The following CEP126 variants were observed in gnomAD, a reference collection of about 807,000 sequenced individuals.
CEP126 encodes centrosomal protein 126.
A neutral mutation model predicts 107.8 loss-of-function variants in CEP126; 74 were observed. That is an observed-to-expected ratio of 0.69 (90% CI 0.57 to 0.83). The LOEUF is 0.83. Among genes scored for constraint, CEP126 ranks in the 40% least tolerant of loss-of-function variants. CEP126 has a pLI of 0.00. For synonymous variants in CEP126, 449 were observed against 446.0 expected (o/e 1.01, Z -0.08); for missense variants, 1,237 against 1,281.9 (o/e 0.96, Z 0.53).
At chr11:101,949,629 A>G (rs1027663320) in intron 4 of CEP126, among the ~76,000 whole-genome samples, 1 of 152,170 alleles carries the variant, frequency 6.6e-6, no homozygotes, top group Non-Finnish European at 1.5e-5. Context: ...AGGGAAGGAT[A>G]AATTTTCATG....
At chr11:101,915,502 G>A in intron 1 of CEP126, 90 bp downstream of exon 1, 1 of 1,492,374 alleles carries the variant, frequency 6.7e-7, no homozygotes, top group Non-Finnish European at 9.1e-7. Context: ...CTTTGACGCA[G>A]GGTGATCAAA....
intron 2 of CEP126, among the ~76,000 whole-genome samples, chr11:101,925,178 TC>T (rs1005787168): frequency 1.3e-5 from 2 of 152,198 alleles, no homozygotes; most frequent in African/African-American, 4.8e-5. Context: ...TCTCATAGCA[TC>T]CCTTTGTTTG....
chr11:101,930,559 C>T (rs1421295385), intron 2 of CEP126, among the ~76,000 whole-genome samples: 2 of 152,142 alleles, frequency 1.3e-5, no homozygotes, highest in Non-Finnish European at 2.9e-5. Flanking sequence ...ACAAAACCTC[C>T]ACACCATGGA....
chr11:101,954,376 G>A (rs950473379), intron 4 of CEP126, among the ~76,000 whole-genome samples: 3 of 152,110 alleles, frequency 2.0e-5, no homozygotes, highest in South Asian at 2.1e-4. Flanking sequence ...AAGCATAGGC[G>A]TTTTTCTTGT....
intron 4 of CEP126, among the ~76,000 whole-genome samples, chr11:101,948,957 A>C (rs76813230): frequency 6.6e-6 from 1 of 152,210 alleles, no homozygotes; most frequent in African/African-American, 2.4e-5. Context: ...TGTGGGCAAC[A>C]GTTCCCTTGA....
intron 3 of CEP126, among the ~76,000 whole-genome samples, chr11:101,945,431 G>C (rs1184883827): frequency 6.6e-6 from 1 of 152,090 alleles, no homozygotes; most frequent in Admixed American, 6.6e-5. Context: ...GCCATGCCAG[G>C]AATTTCATCT....
intron 6 of CEP126, among the ~76,000 whole-genome samples, chr11:101,966,615 A>T (rs1941059781): frequency 6.6e-6 from 1 of 152,166 alleles, no homozygotes; most frequent in Admixed American, 6.5e-5. Context: ...CTTTGCCATC[A>T]TATTGGATAG....
At chr11:101,965,967 G>A (rs1025383903) in intron 6 of CEP126, among the ~76,000 whole-genome samples, 14 of 152,022 alleles carry the variant, frequency 9.2e-5, no homozygotes, top group African/African-American at 3.4e-4. Context: ...GAAACTTATA[G>A]TTTCCCAATA....
intron 6 of CEP126, among the ~76,000 whole-genome samples, chr11:101,969,247 C>T (rs1941096563): frequency 6.6e-6 from 1 of 152,082 alleles, no homozygotes; most frequent in African/African-American, 2.4e-5. Flanking sequence ...TCTTGGCCTC[C>T]CGAGCTCAAG....
At chr11:101,981,252 G>A (rs1351667364) in intron 7 of CEP126, among the ~76,000 whole-genome samples, 1 of 152,174 alleles carries the variant, frequency 6.6e-6, no homozygotes, top group African/African-American at 2.4e-5. Flanking sequence ...AAACCAACTA[G>A]GTTAGAAACT....
intron 6 of CEP126, among the ~76,000 whole-genome samples, chr11:101,972,556 A>T (rs1591289646): frequency 1.3e-5 from 2 of 151,552 alleles, no homozygotes; most frequent in East Asian, 3.9e-4. Flanking sequence ...TAATGCCAGC[A>T]CTTTGGGAGG....
rs189794424 is a variant in CEP126, at chr11:101,978,995, G to A, written c.2958+536G>A. On this transcript the variant is annotated intron_variant, in intron 7 of 10. Transcript: ENST00000263468. ...AAATACAAAAAAATTAGCCAGGGGT[G>A]GTGGCAGGTGCCTGTAATCCCAGCT... Among the ~76,000 whole-genome samples, 266 of 152,210 alleles carry A rather than the reference G, an allele frequency of 1.7e-3. 1 individual carries two copies. The highest frequency in any genetic ancestry group is 6.2e-3 in the African/African-American group (258 of 41,516).
chr11:101,945,430 G>A (rs1416376653), intron 3 of CEP126, among the ~76,000 whole-genome samples: 1 of 152,064 alleles, frequency 6.6e-6, no homozygotes, highest in Non-Finnish European at 1.5e-5. Context: ...TGCCATGCCA[G>A]GAATTTCATC....
intron 3 of CEP126, 63 bp from the exon 4 acceptor site, chr11:101,947,968 T>C (rs1340419837): frequency 5.3e-5 from 37 of 699,160 alleles, no homozygotes; most frequent in Non-Finnish European, 7.0e-5. Context: ...AATTAAATTA[T>C]ATGTAAAGTG....
rs772029015 is a variant in CEP126 at position 101,978,406 on chromosome 11, C to T, written c.2905C>T (p.Gln969Ter). 6.2e-7 allele frequency: 1 copy of T among 1,613,308 alleles called. No individual in the cohort carries two copies. Among genetic ancestry groups the T allele is most frequent in the Non-Finnish European group, 8.5e-7 (1 of 1,179,612 alleles). ...AACTAAGCGGAGAAATATTTTAGAG[C>T]AGAAAAGACAAAACCCTGGATCTGT... ...AETKRRNILE[Q>*]KRQNPGSVGQ... is the part of the protein sequence containing the mutation. The change falls in exon 7 of 11, where the codon CAG becomes TAG. Residue 969 changes from glutamine (Q) to a stop codon, truncating the protein, a stop_gained. Transcript: ENST00000263468. LOFTEE classifies it high-confidence loss of function.
intron 2 of CEP126, among the ~76,000 whole-genome samples, chr11:101,930,717 T>G (rs936472389): frequency 6.6e-6 from 1 of 152,214 alleles, no homozygotes; most frequent in African/African-American, 2.4e-5. Context: ...TTTTACAGAA[T>G]GCTGATTGGG....
chr11:101,956,555 A>G (rs774749082), intron 4 of CEP126: 3 of 456,226 alleles, frequency 6.6e-6, no homozygotes, highest in South Asian at 4.6e-5. Flanking sequence ...TTCTACTTCC[A>G]CATCCTTTTC....
At chr11:101,942,931 G>T (rs1940685583) in intron 2 of CEP126, among the ~76,000 whole-genome samples, 1 of 152,000 alleles carries the variant, frequency 6.6e-6, no homozygotes, top group Non-Finnish European at 1.5e-5. Flanking sequence ...GTATAGAAAT[G>T]CAACTGGTTT....
intron 2 of CEP126, among the ~76,000 whole-genome samples, chr11:101,928,306 T>C (rs1277731616): frequency 6.6e-6 from 1 of 152,186 alleles, no homozygotes; most frequent in Non-Finnish European, 1.5e-5. Flanking sequence ...TCTCCTACCT[T>C]GGAGATTATT....
Sources: allele counts gnomAD v4.1 joint callset (sites outside exome capture counted in the v4.1 genomes callset), GRCh38; gene constraint gnomAD v4.1.1; transcripts MANE v1.5; gene names NCBI Gene and HGNC (gene_info 2026-07-23, HGNC 2026-07-21).